The following SH3RF3 variants were observed in gnomAD, a reference collection of about 807,000 sequenced individuals.
SH3RF3 encodes SH3 domain containing ring finger 3, also known as E3 ubiquitin-protein ligase SH3RF3.
A neutral mutation model predicts 66.3 loss-of-function variants in SH3RF3; 29 were observed. The ratio of observed to expected loss-of-function variants is 0.44; its 90% confidence interval spans 0.33 to 0.60. The LOEUF (loss-of-function observed/expected upper bound fraction) is 0.60. Among genes scored for constraint, SH3RF3 ranks in the 20% least tolerant of loss-of-function variants. SH3RF3 has a pLI of 0.04. For synonymous variants in SH3RF3, 583 were observed against 532.0 expected (o/e 1.10, Z -1.32); for missense variants, 1,194 against 1,190.9 (o/e 1.00, Z -0.04).
chr2:109,430,767 GTCCTC>G (rs1244305661), intron 5 of SH3RF3, among the ~76,000 whole-genome samples: 2 of 152,146 alleles, frequency 1.3e-5, no homozygotes, highest in Non-Finnish European at 2.9e-5. Context: ...GGGTGGCGGG[GTCCTC>G]TCCTGATGAT....
At chr2:109,159,579 A>G (rs1289458958) in intron 1 of SH3RF3, among the ~76,000 whole-genome samples, 2 of 152,246 alleles carry the variant, frequency 1.3e-5, no homozygotes, top group Admixed American at 6.5e-5. Flanking sequence ...TATTTATGAC[A>G]GGGGTACCCA....
At chr2:109,274,484 A>G (rs879549578) in intron 1 of SH3RF3, among the ~76,000 whole-genome samples, 5 of 152,248 alleles carry the variant, frequency 3.3e-5, no homozygotes, top group Admixed American at 6.5e-5. Flanking sequence ...TATATGCTGC[A>G]TCTTGTGTGA....
chr2:109,224,450 A>G (rs546572841), intron 1 of SH3RF3, among the ~76,000 whole-genome samples: 3 of 152,338 alleles, frequency 2.0e-5, no homozygotes, highest in African/African-American at 7.2e-5. Flanking sequence ...GGTCATGTGC[A>G]TAGCAGCAGT....
chr2:109,153,590 G>T (rs1044158507), intron 1 of SH3RF3, among the ~76,000 whole-genome samples: 1 of 152,214 alleles, frequency 6.6e-6, no homozygotes, highest in African/African-American at 2.4e-5. Context: ...CCCGACAGAT[G>T]CCCTGTGTGT....
At chr2:109,305,327 G>A (rs943290363) in intron 1 of SH3RF3, among the ~76,000 whole-genome samples, 9 of 152,024 alleles carry the variant, frequency 5.9e-5, no homozygotes, top group Admixed American at 3.9e-4. Context: ...AGGATGAAGC[G>A]CCTCTTCTGT....
At chr2:109,444,934 CAAAA>C (rs1559087136) in intron 7 of SH3RF3, among the ~76,000 whole-genome samples, 1 of 151,542 alleles carries the variant, frequency 6.6e-6, no homozygotes, top group Non-Finnish European at 1.5e-5. Flanking sequence ...TATACACACA[CAAAA>C]AAGAAAAACA....
Position 109,234,658 on chromosome 2 carries a change from T to G in SH3RF3, c.573+104545T>G, listed in dbSNP as rs1372800575. 1.3e-5 allele frequency among the ~76,000 whole-genome samples: 2 copies of G among 152,228 alleles called. 1 individual carries two copies. The highest frequency in any genetic ancestry group is 2.9e-5 in the Non-Finnish European group (2 of 68,044). ...ATCTCAGCAGGCACAGGGCTCTGCT[T>G]CTTGTTGATCTCACAGGGGTGTGGG... On this transcript the variant is annotated intron_variant, in intron 1 of 9. Transcript: ENST00000309415.
intron 1 of SH3RF3, among the ~76,000 whole-genome samples, chr2:109,326,944 G>C (rs1682175310): frequency 1.3e-5 from 2 of 152,160 alleles, no homozygotes. Context: ...TTCAACTGCT[G>C]GGTTATTGAC....
At chr2:109,472,516 T>C (rs1016445205) in intron 8 of SH3RF3, among the ~76,000 whole-genome samples, 1 of 152,140 alleles carries the variant, frequency 6.6e-6, no homozygotes, top group East Asian at 1.9e-4. Context: ...AGAGCTTTGA[T>C]TTACGGTTGC....
At chr2:109,191,853 A>G (rs531118848) in intron 1 of SH3RF3, among the ~76,000 whole-genome samples, 26 of 152,294 alleles carry the variant, frequency 1.7e-4, no homozygotes, top group African/African-American at 6.3e-4. Context: ...ATAACCCTTT[A>G]AGGTCACTGA....
intron 5 of SH3RF3, 135 bp downstream of exon 5, chr2:109,419,777 A>G (rs886413262): frequency 8.0e-6 from 6 of 754,196 alleles, no homozygotes; most frequent in Non-Finnish European, 1.3e-5. Context: ...TGTGCGTCTA[A>G]TAACACCGCT....
intron 1 of SH3RF3, among the ~76,000 whole-genome samples, chr2:109,197,743 G>GC (rs767255906): frequency 2.9e-4 from 44 of 152,238 alleles, no homozygotes; most frequent in Non-Finnish European, 5.4e-4. Flanking sequence ...GGTGGCCCTG[G>GC]CCCCTATCAG....
At chr2:109,451,347 C>T (rs1028583641) in intron 8 of SH3RF3, among the ~76,000 whole-genome samples, 1 of 152,124 alleles carries the variant, frequency 6.6e-6, no homozygotes, top group African/African-American at 2.4e-5. Flanking sequence ...ACAGTCCTAC[C>T]CTCTCACTTA....
intron 1 of SH3RF3, among the ~76,000 whole-genome samples, chr2:109,319,864 C>T (rs1324643915): frequency 6.6e-6 from 1 of 152,182 alleles, no homozygotes; most frequent in Admixed American, 6.5e-5. Flanking sequence ...GGAGTATCAG[C>T]CCATTTGCCC....
intron 1 of SH3RF3, among the ~76,000 whole-genome samples, chr2:109,272,297 A>T (rs549839308): frequency 3.9e-5 from 6 of 152,336 alleles, no homozygotes; most frequent in African/African-American, 1.4e-4. Context: ...CTTGGAGCTG[A>T]TGGCTACACA....
intron 1 of SH3RF3, among the ~76,000 whole-genome samples, chr2:109,134,750 C>G (rs549725870): frequency 6.6e-6 from 1 of 152,142 alleles, no homozygotes; most frequent in Admixed American, 6.5e-5. Context: ...GTTGGTAGCA[C>G]GATTCTAAAC....
At chr2:109,140,228 G>T (rs573998691) in intron 1 of SH3RF3, among the ~76,000 whole-genome samples, 1 of 152,318 alleles carries the variant, frequency 6.6e-6, no homozygotes, top group South Asian at 2.1e-4. Context: ...GCATGTGGTT[G>T]ACGCACGTGT....
intron 1 of SH3RF3, among the ~76,000 whole-genome samples, chr2:109,311,797 C>G (rs914808744): frequency 6.6e-6 from 1 of 152,224 alleles, no homozygotes; most frequent in Non-Finnish European, 1.5e-5. Context: ...ACCCATATGG[C>G]AGAGACAGCA....
At chr2:109,446,129 A>C (rs13386258) in intron 7 of SH3RF3, among the ~76,000 whole-genome samples, 8 of 152,234 alleles carry the variant, frequency 5.3e-5, no homozygotes, top group East Asian at 1.9e-4. Flanking sequence ...GGGGTGGGTG[A>C]AAATAAGGGT....
Sources: gnomAD v4.1 joint callset for allele counts (sites outside exome capture counted in the v4.1 genomes callset) on GRCh38, gnomAD v4.1.1 for gene constraint, MANE v1.5 for transcripts, NCBI Gene and HGNC (gene_info 2026-07-23, HGNC 2026-07-21) for gene names.